MYO1F: variants seen among roughly 807,000 people sequenced by gnomAD.
MYO1F encodes the protein myosin IF.
A neutral mutation model predicts 146.6 loss-of-function variants in MYO1F; 60 were observed. The ratio of observed to expected loss-of-function variants is 0.41; its 90% CI spans 0.33 to 0.51. MYO1F has a LOEUF of 0.51. Among genes scored for constraint, MYO1F ranks in the 20% least tolerant of loss-of-function variants. The pLI is 0.25. For missense variants in MYO1F, 1,274 were observed against 1,534.3 expected (o/e 0.83, Z 2.83); for synonymous variants, 602 against 602.1 (o/e 1.00, Z 0.00).
intron 19 of MYO1F, 62 bp downstream of exon 19, chr19:8,536,190 C>T: frequency 6.5e-7 from 1 of 1,541,852 alleles, no homozygotes; most frequent in Non-Finnish European, 8.8e-7. Flanking sequence ...TCTCTCAGTC[C>T]CTCTCTATAC....
At chr19:8,561,361 C>CCTCA (rs1974095100) in intron 1 of MYO1F, among the ~76,000 whole-genome samples, 1 of 116,680 alleles carries the variant, frequency 8.6e-6, no homozygotes, top group African/African-American at 2.9e-5. Context: ...TCCCTCCCTC[C>CCTCA]CTCCCTCCCT....
At chr19:8,565,989 G>C (rs140868192) in intron 1 of MYO1F, among the ~76,000 whole-genome samples, 2,250 of 151,728 alleles carry the variant, frequency 0.015, 26 homozygotes, top group Admixed American at 0.024. Flanking sequence ...TGCGCCTGTA[G>C]TCCCAGCCAC....
At chr19:8,547,969 A>G in intron 12 of MYO1F, 67 bp downstream of exon 12, 1 of 1,392,850 alleles carries the variant, frequency 7.2e-7, no homozygotes, top group Non-Finnish European at 1.0e-6. Flanking sequence ...TTGCTAAGGG[A>G]TCCTCATGGT....
In MYO1F at chr19:8,568,315, C is replaced by T. The variant is rs1167868802; in HGVS notation, c.3+8992G>A. Among the ~76,000 whole-genome samples the T allele has an allele frequency of 2.7e-5, 4 of 146,132 alleles. No individual in the cohort carries two copies. The South Asian group carries it at 6.6e-4, about 24-fold the overall frequency. ...GCGGGCGCCCGTAGTCCCAGCTCCT[C>T]GGGAGGCTGAGGCAGGAGAATGGCG... On this transcript the variant is annotated intron_variant, in intron 1 of 27. Coordinates refer to ENST00000644032, the MANE Select transcript of MYO1F (RefSeq NM_012335.4).
chr19:8,543,952 T>C lies in MYO1F; in HGVS notation c.1524+345A>G, dbSNP rs1973188707. 3.5e-5 allele frequency: 10 copies of C among 288,496 alleles called. No homozygotes were observed. The African/African-American group carries it at 3.8e-4, about 11-fold the overall frequency. The allele number at this position is 288,496 out of a possible 1,614,324, so 17.9% of individuals were successfully genotyped here. A position where few individuals can be genotyped will look rare whatever the true frequency, so the allele number is the denominator to read the frequency against. ...GTGGTGGTGGTGCTGGTGGTGCTGG[T>C]GGTGGTGGTGGTGGTGGTGCTGGTG... On this transcript the variant is annotated intron_variant, in intron 14 of 27. Coordinates refer to ENST00000644032, the MANE Select transcript of MYO1F (RefSeq NM_012335.4).
At chr19:8,545,378 C>T (rs1172906565) in intron 13 of MYO1F, 14 of 439,994 alleles carry the variant, frequency 3.2e-5, no homozygotes, top group South Asian at 1.4e-4. Flanking sequence ...CGTGAGCCAC[C>T]GGCATGGAAT....
At chr19:8,548,479 C>T (rs1973465517) in intron 10 of MYO1F, among the ~76,000 whole-genome samples, 162 bp from the exon 11 acceptor site, 1 of 152,094 alleles carries the variant, frequency 6.6e-6, no homozygotes, top group Admixed American at 6.6e-5. Context: ...GCTCTGTGTA[C>T]AGTCTCCCCA....
intron 16 of MYO1F, among the ~76,000 whole-genome samples, chr19:8,538,912 G>C (rs943059450): frequency 6.6e-6 from 1 of 152,162 alleles, no homozygotes; most frequent in Non-Finnish European, 1.5e-5. Flanking sequence ...AGATGAGAAA[G>C]TTCTGGAGAT....
At chr19:8,527,312 TG>T in intron 22 of MYO1F, 25 bp downstream of exon 22, 1 of 1,613,782 alleles carries the variant, frequency 6.2e-7, no homozygotes, top group East Asian at 2.2e-5. Flanking sequence ...AGAGTGACTG[TG>T]CGGCAGGTAA....
intron 1 of MYO1F, among the ~76,000 whole-genome samples, chr19:8,572,591 C>A (rs1320801455): frequency 6.6e-6 from 1 of 152,036 alleles, no homozygotes; most frequent in Non-Finnish European, 1.5e-5. Context: ...TTAACTGATT[C>A]TTTCTCCTAA....
chr19:8,549,923 T>C, intron 10 of MYO1F: 2 of 595,574 alleles, frequency 3.4e-6, no homozygotes, highest in Non-Finnish European at 6.0e-6. Flanking sequence ...ACCTCAGCCC[T>C]CTGAGTAGCC....
intron 16 of MYO1F, among the ~76,000 whole-genome samples, chr19:8,539,333 G>A (rs535752837): frequency 5.3e-5 from 8 of 152,198 alleles, no homozygotes; most frequent in Admixed American, 1.3e-4. Flanking sequence ...AGAATCACTT[G>A]AACCCAAGAG....
At position 8,577,235 on chromosome 19, in the gene MYO1F, T is replaced by C; in HGVS notation, c.3+72A>G. The C allele has an allele frequency of 6.3e-7, 1 of 1,576,562 alleles. No individual in the cohort carries two copies. Among genetic ancestry groups the C allele is most frequent in the Non-Finnish European group, 8.7e-7 (1 of 1,153,216 alleles). ...CCCTCACCCCAATTTCTGATGGTCA[T>C]TTTTAGGACACCTCCACCTGGCTGG... On this transcript the variant is annotated intron_variant, in intron 1 of 27. Coordinates refer to ENST00000644032, the MANE Select transcript of MYO1F (RefSeq NM_012335.4). The surrounding 1 kb of genome is among the most constrained non-coding windows in gnomAD (Gnocchi z 4.3).
At chr19:8,542,047 G>T in intron 14 of MYO1F, 56 bp from the exon 15 acceptor site, 1 of 1,416,438 alleles carries the variant, frequency 7.1e-7, no homozygotes, top group Non-Finnish European at 1.0e-6. Flanking sequence ...CTGGGAGGGT[G>T]GGCGTGGGGT....
rs143969087 is a variant in MYO1F, at chr19:8,573,898, A to G, written c.3+3409T>C. ...CAATACTAGCCATCAACAACCACACATAACCAACTACCATTAGCAACCACA... is the reference window on the plus strand; with the variant it reads ...CAATACTAGCCATCAACAACCACACGTAACCAACTACCATTAGCAACCACA... On this transcript the variant is annotated intron_variant, in intron 1 of 27. Coordinates refer to ENST00000644032, the MANE Select transcript of MYO1F (RefSeq NM_012335.4). Among the ~76,000 whole-genome samples the G allele has an allele frequency of 4.8e-4, 73 of 152,208 alleles. 2 individuals carry two copies. In the East Asian group the frequency reaches 0.012, roughly 26 times the overall value.
At chr19:8,527,699 C>T (rs562075817) in intron 21 of MYO1F, among the ~76,000 whole-genome samples, 5 of 152,248 alleles carry the variant, frequency 3.3e-5, no homozygotes, top group Admixed American at 2.0e-4. Context: ...TGCAACCTCC[C>T]CCTCCTGGGC....
In MYO1F at chr19:8,531,853, C is replaced by CAAGCCTGT. The variant is rs137902973; in HGVS notation, c.2044-1288_2044-1281dup. Among the ~76,000 whole-genome samples, 4,278 of 152,194 alleles carry CAAGCCTGT rather than the reference C, an allele frequency of 0.028. 337 individuals are homozygous for CAAGCCTGT. The East Asian group carries it at 0.33, about 12-fold the overall frequency. On this transcript the variant is annotated intron_variant, in intron 19 of 27. Coordinates refer to ENST00000644032, the MANE Select transcript of MYO1F (RefSeq NM_012335.4). ...GAAAATGTGGCCGGGTGCAGTGGCT[C>CAAGCCTGT]AAGCCTGTAATCCCAGCATTTTGGG...
At chr19:8,523,317 G>A (rs947824294) in intron 25 of MYO1F, among the ~76,000 whole-genome samples, 4 of 152,166 alleles carry the variant, frequency 2.6e-5, no homozygotes, top group East Asian at 3.9e-4. Context: ...ACAGGCATGA[G>A]CCACCGCGCC....
intron 1 of MYO1F, among the ~76,000 whole-genome samples, chr19:8,565,493 G>C (rs2041986345): frequency 6.6e-6 from 1 of 152,132 alleles, no homozygotes; most frequent in Non-Finnish European, 1.5e-5. Flanking sequence ...AGTGAGCCAA[G>C]ATTGTGCCAT....
Sources: gnomAD v4.1 joint callset for allele counts (sites outside exome capture counted in the v4.1 genomes callset) on GRCh38, gnomAD v4.1.1 for gene constraint, Gnocchi (gnomAD v3.1) non-coding constraint, MANE v1.5 for transcripts, NCBI Gene and HGNC (gene_info 2026-07-23, HGNC 2026-07-21) for gene names.